Variants in ATXN7 observed in about 807,000 individuals in gnomAD.
The protein encoded by ATXN7 is ataxin 7.
Under a neutral mutation model 70.5 loss-of-function variants are expected in ATXN7, and 12 were observed. The ratio of observed to expected loss-of-function variants is 0.17; its 90% CI spans 0.11 to 0.28. The LOEUF is 0.28. Ranked by LOEUF, ATXN7 falls within the 10% of genes least tolerant of loss-of-function variation. ATXN7 has a pLI of 1.00. For missense variants in ATXN7, 1,256 were observed against 1,131.7 expected, an observed-to-expected ratio of 1.11 and a Z score of -1.58; for synonymous variants, 498 against 448.7, an observed-to-expected ratio of 1.11 and a Z score of -1.39.
At chr3:63,951,222 G>A (rs1411007398) in intron 4 of ATXN7, among the ~76,000 whole-genome samples, 1 of 151,970 alleles carries the variant, frequency 6.6e-6, no homozygotes. Context: ...AACTGTTTAA[G>A]AAAATTCAAG....
At chr3:63,982,480 C>G (rs529799384) in intron 7 of ATXN7, 35 bp downstream of exon 7, 2 of 1,520,502 alleles carry the variant, frequency 1.3e-6, no homozygotes, top group South Asian at 2.3e-5. Context: ...TAATGCTTCT[C>G]TATATATTAA....
At chr3:63,959,360 G>C (rs1176686516) in intron 5 of ATXN7, among the ~76,000 whole-genome samples, 1 of 152,166 alleles carries the variant, frequency 6.6e-6, no homozygotes, top group African/African-American at 2.4e-5. Context: ...GATGAGCCAG[G>C]GATGGGAGCT....
intron 1 of ATXN7, among the ~76,000 whole-genome samples, chr3:63,893,503 T>C (rs895237084): frequency 1.3e-5 from 2 of 152,102 alleles, no homozygotes; most frequent in African/African-American, 4.8e-5. Context: ...ATTGAACATA[T>C]TTGGAGAGAG....
intron 5 of ATXN7, among the ~76,000 whole-genome samples, chr3:63,974,700 T>A (rs979289607): frequency 1.3e-5 from 2 of 152,238 alleles, no homozygotes; most frequent in African/African-American, 4.8e-5. Flanking sequence ...TGGCATGTGG[T>A]TTCTACACAG....
At chr3:63,904,353 T>A (rs1461057352) in intron 2 of ATXN7, 1 of 152,396 alleles carries the variant, frequency 6.6e-6, no homozygotes, top group Non-Finnish European at 1.5e-5. Flanking sequence ...GGCACAATCT[T>A]GGCTCACCAC....
At chr3:63,979,889 C>CT in intron 5 of ATXN7, 26 bp from the exon 6 acceptor site, 2 of 1,611,574 alleles carry the variant, frequency 1.2e-6, no homozygotes, top group Non-Finnish European at 1.7e-6. Context: ...AACATGATGT[C>CT]TTTTTTTCTT....
chr3:63,973,518 G>A (rs924865226), intron 5 of ATXN7, among the ~76,000 whole-genome samples: 22 of 152,264 alleles, frequency 1.4e-4, no homozygotes, highest in African/African-American at 5.3e-4. Context: ...TCAAACTGAT[G>A]CAGGATTTTT....
chr3:63,951,266 T>G (rs1342423642), intron 4 of ATXN7, among the ~76,000 whole-genome samples: 1 of 151,486 alleles, frequency 6.6e-6, no homozygotes, highest in Non-Finnish European at 1.5e-5. Flanking sequence ...ATCAGTAATT[T>G]GATATTTTAG....
rs1353277695 is a variant in ATXN7, at chr3:64,002,785, A to G, written c.*3318A>G. The G allele has an allele frequency of 3.9e-5, 6 of 152,134 alleles. No individual in the cohort carries two copies. The highest frequency in any genetic ancestry group is 8.8e-5 in the Non-Finnish European group (6 of 68,022). 9.4% of individuals were successfully genotyped at this position (152,134 alleles called of 1,614,324 possible). On this transcript the variant is annotated 3_prime_UTR_variant, in exon 13 of 13. Transcript: ENST00000674280. ...TTGGTTCATAGTAATTCAATTGGTG[A>G]TGGATTGCCTGGTGGCACCAAGGGT... is the stretch of plus-strand genomic sequence containing the variant.
chr3:63,982,500 C>A (rs1031462433), intron 7 of ATXN7, 55 bp downstream of exon 7: 2 of 1,423,010 alleles, frequency 1.4e-6, no homozygotes, highest in African/African-American at 2.9e-5. Context: ...AATGGGCATT[C>A]GTGGGGAGCA....
chr3:63,991,023 T>C (rs964648767), intron 11 of ATXN7, 164 bp downstream of exon 11: 1 of 965,434 alleles, frequency 1.0e-6, no homozygotes, highest in Non-Finnish European at 1.5e-6. Flanking sequence ...TTTACCCCTT[T>C]ACCCCACAAC....
chr3:63,965,429 T>G (rs977766556), intron 5 of ATXN7, among the ~76,000 whole-genome samples: 3 of 152,132 alleles, frequency 2.0e-5, no homozygotes, highest in Non-Finnish European at 2.9e-5. Flanking sequence ...TTTGCCTGTT[T>G]GCTGCGAATA....
chr3:63,946,558 G>A (rs954984522), intron 4 of ATXN7, among the ~76,000 whole-genome samples: 1 of 151,842 alleles, frequency 6.6e-6, no homozygotes, highest in Admixed American at 6.6e-5. Context: ...CAGGAGAATG[G>A]CGTGAACCCG....
chr3:63,990,528 A>G (rs1474327703), intron 10 of ATXN7, 154 bp downstream of exon 10: 8 of 1,152,856 alleles, frequency 6.9e-6, no homozygotes, highest in African/African-American at 1.5e-5. Context: ...GAGGCAGCAC[A>G]CACTCTGTAC....
At chr3:63,951,130 C>T (rs2074946520) in intron 4 of ATXN7, among the ~76,000 whole-genome samples, 1 of 152,094 alleles carries the variant, frequency 6.6e-6, no homozygotes, top group South Asian at 2.1e-4. Context: ...CTACTCGGTG[C>T]TGCAAGTACA....
rs1480679821 is a variant in ATXN7, at chr3:63,864,058, G to A, written c.-211G>A. On this transcript the variant is annotated 5_prime_UTR_variant, in exon 1 of 13. Transcript: ENST00000674280. ...CGAGTTGGGGCGAGGCTTGGCGGCC[G>A]GCGGCGGCCCCGGCTGCAGCCCGGG... 6.9e-6 allele frequency among the ~76,000 whole-genome samples: 1 copy of A among 145,468 alleles called. No individual in the cohort carries two copies. Among genetic ancestry groups the A allele is most frequent in the Non-Finnish European group, 1.5e-5 (1 of 65,458 alleles).
At chr3:63,969,141 GAA>G (rs2106717122) in intron 5 of ATXN7, among the ~76,000 whole-genome samples, 1 of 152,254 alleles carries the variant, frequency 6.6e-6, no homozygotes, top group Non-Finnish European at 1.5e-5. Context: ...CAGACTCATT[GAA>G]AACATTGGCA....
At chr3:63,880,191 C>T (rs908824743) in intron 1 of ATXN7, among the ~76,000 whole-genome samples, 4 of 152,064 alleles carry the variant, frequency 2.6e-5, no homozygotes, top group African/African-American at 7.2e-5. Flanking sequence ...TGAATATTTA[C>T]TCTGTAAATA....
chr3:63,970,550 G>A (rs1184445925), intron 5 of ATXN7, among the ~76,000 whole-genome samples: 2 of 152,020 alleles, frequency 1.3e-5, no homozygotes, highest in Admixed American at 6.6e-5. Flanking sequence ...TTTGCAAAAA[G>A]CAACAAGTTA....
Sources: allele counts gnomAD v4.1 joint callset (sites outside exome capture counted in the v4.1 genomes callset), GRCh38; gene constraint gnomAD v4.1.1; transcripts MANE v1.5; gene names NCBI Gene and HGNC (gene_info 2026-07-23, HGNC 2026-07-21).